DCSTAMP: variants seen among roughly 807,000 people sequenced by gnomAD.
DCSTAMP encodes dendrocyte expressed seven transmembrane protein, also known as dendritic cell-specific transmembrane protein.
A neutral mutation model predicts 33.8 loss-of-function variants in DCSTAMP; 25 were observed. That is an observed-to-expected ratio of 0.74 (90% CI 0.54 to 1.03). The LOEUF is 1.03. Among genes scored for constraint, DCSTAMP ranks in the 50% least tolerant of loss-of-function variants. The pLI is 0.00. For synonymous variants in DCSTAMP, 245 were observed against 216.7 expected (o/e 1.13, Z -1.15); for missense variants, 531 against 556.8 (o/e 0.95, Z 0.47).
chr8:104,353,066 C>T (rs924889808), intron 2 of DCSTAMP, among the ~76,000 whole-genome samples: 6 of 152,256 alleles, frequency 3.9e-5, no homozygotes, highest in Non-Finnish European at 7.4e-5. Context: ...ATAAAGAAGA[C>T]GGGAAATGAC....
intron 2 of DCSTAMP, among the ~76,000 whole-genome samples, chr8:104,350,660 G>A (rs1489612494): frequency 1.3e-5 from 2 of 152,180 alleles, no homozygotes; most frequent in Non-Finnish European, 2.9e-5. Flanking sequence ...CACAGATTTT[G>A]TTTTAACTGG....
At chr8:104,342,005 A>G (rs1458599788) in intron 1 of DCSTAMP, among the ~76,000 whole-genome samples, 1 of 152,220 alleles carries the variant, frequency 6.6e-6, no homozygotes, top group Non-Finnish European at 1.5e-5. Context: ...ATTACAGGTT[A>G]AAGGGATCAG....
rs762219422 is a variant in DCSTAMP at position 104,348,610 on chromosome 8, T to C, written c.58T>C (p.Ser20Pro). 9.3e-6 allele frequency: 15 copies of C among 1,614,180 alleles called. No individual in the cohort carries two copies. The South Asian group carries it at 1.6e-4, about 18-fold the overall frequency. ...IFLSLWEIYV[S>P]PRSPGWMDFI... ...CCTAAGTCTTTGGGAGATTTACGTGTCTCCAAGAAGCCCCGGATGGATGGA... is the reference window on the plus strand; with the variant it reads ...CCTAAGTCTTTGGGAGATTTACGTGCCTCCAAGAAGCCCCGGATGGATGGA... The change falls in exon 2 of 4, where the codon TCT (serine) becomes CCT (proline). Residue 20 changes from serine to proline, a missense_variant. By Grantham distance (74) the Ser-to-Pro change is moderately conservative (BLOSUM62 -1). Transcript: ENST00000297581.
intron 1 of DCSTAMP, among the ~76,000 whole-genome samples, chr8:104,347,868 GAGATTATCCC>G (rs1810353692): frequency 6.6e-6 from 1 of 152,220 alleles, no homozygotes; most frequent in Non-Finnish European, 1.5e-5. Context: ...TTGAGATGGG[GAGATTATCCC>G]AGATTATCTG....
Position 104,356,487 on chromosome 8 carries a change from A to G in DCSTAMP, c.*289A>G, listed in dbSNP as rs1810628588. 4.5e-6 allele frequency: 1 copy of G among 223,784 alleles called. No individual in the cohort carries two copies. The allele number at this position is 223,784 out of a possible 1,614,324, so 13.9% of individuals were successfully genotyped here. ...GTCCCCTGGTGATGAGTTTCAGCAT[A>G]GAATAATGTTCAAGGAAAAGAAAAC... is the stretch of plus-strand genomic sequence containing the variant. On this transcript the variant is annotated 3_prime_UTR_variant, in exon 4 of 4. Coordinates refer to ENST00000297581, the MANE Select transcript of DCSTAMP (RefSeq NM_030788.4).
At position 104,349,158 on chromosome 8, in the gene DCSTAMP, A is replaced by G; in HGVS notation, c.606A>G (p.Thr202=). ...TGAGCGTCTTGTACCAGATGGCAAC[A>G]ACCACAGAGGTGTTGTCCTCCCTGG... The part of the protein sequence containing the change: ...EVLSVLYQMA[T]TTEVLSSLGQ... Residue 202 remains threonine, a synonymous_variant, in exon 2 of 4, where the codon ACA becomes ACG. Transcript: ENST00000297581. The G allele has an allele frequency of 1.2e-6, 2 of 1,614,208 alleles. No individual in the cohort carries two copies. The highest frequency in any genetic ancestry group is 8.5e-7 in the Non-Finnish European group (1 of 1,180,032).
In DCSTAMP at chr8:104,349,052, G is replaced by A; in HGVS notation, c.500G>A (p.Trp167Ter). The A allele has an allele frequency of 6.2e-7, 1 of 1,614,168 alleles. No individual in the cohort carries two copies. Among genetic ancestry groups the A allele is most frequent in the African/African-American group, 1.3e-5 (1 of 75,052 alleles). Reference sequence around the variant, plus strand: ...AGTGTATTTGATGACCTTGTTTCTTGGAACCAGACCCTGGCAGTCTCTCTT... The same window carrying A: ...AGTGTATTTGATGACCTTGTTTCTTAGAACCAGACCCTGGCAGTCTCTCTT... The part of the protein sequence containing the change: ...PLSVFDDLVS[W>*]NQTLAVSLFS... Residue 167 changes from tryptophan (W) to a stop codon, truncating the protein, a stop_gained, in exon 2 of 4, where the codon TGG becomes TAG. Coordinates refer to ENST00000297581, the MANE Select transcript of DCSTAMP (RefSeq NM_030788.4). LOFTEE classifies it high-confidence loss of function.
At chr8:104,340,981 G>T (rs190567776) in intron 1 of DCSTAMP, among the ~76,000 whole-genome samples, 2 of 152,198 alleles carry the variant, frequency 1.3e-5, no homozygotes, top group African/African-American at 2.4e-5. Flanking sequence ...ATTGGCTTCT[G>T]CACAGGCAGA....
In DCSTAMP at chr8:104,356,049, T is replaced by C. The variant is rs1017310189; in HGVS notation, c.1339-75T>C. 1.1e-5 allele frequency: 15 copies of C among 1,344,990 alleles called. No homozygotes were observed. In the African/African-American group the frequency reaches 2.2e-4, roughly 20 times the overall value. The allele number at this position is 1,344,990 out of a possible 1,614,324, so 83.3% of individuals were successfully genotyped here. Reference sequence around the variant, plus strand: ...TTTCCCAACATCTTTAACCCCACAATGAAAAATTGATGTCAGAGGCATTTA... The same window carrying C: ...TTTCCCAACATCTTTAACCCCACAACGAAAAATTGATGTCAGAGGCATTTA... On this transcript the variant is annotated intron_variant, in intron 3 of 3. Transcript: ENST00000297581.
rs773937562 is a variant in DCSTAMP at position 104,348,591 on chromosome 8, T to C, written c.39T>C (p.Ser13=). 1.4e-5 allele frequency: 23 copies of C among 1,614,046 alleles called. No individual in the cohort carries two copies. Among genetic ancestry groups the C allele is most frequent in the Non-Finnish European group, 1.8e-5 (21 of 1,180,040 alleles). The change falls in exon 2 of 4, where the codon AGT becomes AGC. Residue 13 remains serine (S), a synonymous_variant. Transcript: ENST00000297581. ...IWTSGTDIFL[S]LWEIYVSPRS... is the part of the protein sequence containing the mutation. ...CCTCAGGCACTGATATCTTCCTAAGTCTTTGGGAGATTTACGTGTCTCCAA... is the reference window on the plus strand; with the variant it reads ...CCTCAGGCACTGATATCTTCCTAAGCCTTTGGGAGATTTACGTGTCTCCAA...
intron 1 of DCSTAMP, among the ~76,000 whole-genome samples, chr8:104,342,733 C>T (rs1264539220): frequency 5.9e-5 from 9 of 152,214 alleles, no homozygotes; most frequent in South Asian, 2.1e-4. Context: ...GAGACCAACA[C>T]GGAATGCACT....
intron 3 of DCSTAMP, 132 bp downstream of exon 3, chr8:104,355,317 A>G: frequency 1.1e-6 from 1 of 906,138 alleles, no homozygotes; most frequent in Non-Finnish European, 1.6e-6. Context: ...TAGATAGGAC[A>G]TTGAGGAAAA....
chr8:104,346,823 A>G (rs1810327640), intron 1 of DCSTAMP, among the ~76,000 whole-genome samples: 1 of 152,248 alleles, frequency 6.6e-6, no homozygotes, highest in Non-Finnish European at 1.5e-5. Flanking sequence ...ATTCGGCCTG[A>G]ACACAGAAAG....
chr8:104,356,473 A>T lies in DCSTAMP; in HGVS notation c.*275A>T, dbSNP rs117168551. On this transcript the variant is annotated 3_prime_UTR_variant, in exon 4 of 4. Coordinates refer to ENST00000297581, the MANE Select transcript of DCSTAMP (RefSeq NM_030788.4). ...AAGACTCTAGCTGGGTCCCCTGGTG[A>T]TGAGTTTCAGCATAGAATAATGTTC... The T allele has an allele frequency of 0.013, 3,260 of 255,540 alleles. 30 individuals are homozygous for T. Among genetic ancestry groups the T allele is most frequent in the Non-Finnish European group, 0.018 (2,490 of 134,956 alleles). 15.8% of individuals were successfully genotyped at this position (255,540 alleles called of 1,614,324 possible). A position where few individuals can be genotyped will look rare whatever the true frequency, so the allele number is the denominator to read the frequency against.
At chr8:104,350,317 G>A (rs1378328057) in intron 2 of DCSTAMP, among the ~76,000 whole-genome samples, 3 of 152,170 alleles carry the variant, frequency 2.0e-5, no homozygotes, top group Non-Finnish European at 2.9e-5. Context: ...TAAGAGACAC[G>A]GATTTAGGGT....
intron 1 of DCSTAMP, among the ~76,000 whole-genome samples, chr8:104,347,326 G>A (rs958997395): frequency 7.2e-5 from 11 of 152,224 alleles, no homozygotes; most frequent in African/African-American, 1.9e-4. Context: ...GGAAGAAGCC[G>A]TGGTTACAGA....
Position 104,349,002 on chromosome 8 carries a change from G to T in DCSTAMP, c.450G>T (p.Trp150Cys), listed in dbSNP as rs1234559429. 1 of 1,614,202 alleles carries T rather than the reference G, an allele frequency of 6.2e-7. No homozygotes were observed. Among genetic ancestry groups the T allele is most frequent in the Non-Finnish European group, 8.5e-7 (1 of 1,180,050 alleles). ...AAAAATATATTGAGGCAATTCAGTGGATTTATGGCCTTGCCACTCCACTAA... is the reference window on the plus strand; with the variant it reads ...AAAAATATATTGAGGCAATTCAGTGTATTTATGGCCTTGCCACTCCACTAA... The part of the protein sequence containing the change: ...LLKKYIEAIQ[W>C]IYGLATPLSV... Residue 150 changes from tryptophan to cysteine, a missense_variant, in exon 2 of 4, where the codon TGG becomes TGT. By Grantham distance (215) the Trp-to-Cys change is radical. Transcript: ENST00000297581.
intron 2 of DCSTAMP, among the ~76,000 whole-genome samples, chr8:104,352,439 G>T (rs975119332): frequency 6.6e-6 from 1 of 152,124 alleles, no homozygotes; most frequent in Non-Finnish European, 1.5e-5. Flanking sequence ...GCCAGGAAAA[G>T]GGTCTCACTC....
In DCSTAMP at chr8:104,339,869, A is replaced by G. The variant is rs571869920; in HGVS notation, c.-13+7A>G. The G allele has an allele frequency of 1.1e-4, 17 of 152,384 alleles. No individual in the cohort carries two copies. The highest frequency in any genetic ancestry group is 5.8e-4 in the East Asian group (3 of 5,190). The allele number at this position is 152,384 out of a possible 1,614,324, so 9.4% of individuals were successfully genotyped here. A position where few individuals can be genotyped will look rare whatever the true frequency, so the allele number is the denominator to read the frequency against. On this transcript the variant is annotated splice_region_variant and intron_variant, in intron 1 of 3. Coordinates refer to ENST00000297581, the MANE Select transcript of DCSTAMP (RefSeq NM_030788.4). Reference sequence around the variant, plus strand: ...AAGAATCTGAGAGAAACCTGTAAGTAAACTTTCAGAATAATCTTATTTCTA... The same window carrying G: ...AAGAATCTGAGAGAAACCTGTAAGTGAACTTTCAGAATAATCTTATTTCTA...
Sources: allele counts gnomAD v4.1 joint callset (sites outside exome capture counted in the v4.1 genomes callset), GRCh38; gene constraint gnomAD v4.1.1; transcripts MANE v1.5; gene names NCBI Gene and HGNC (gene_info 2026-07-23, HGNC 2026-07-21).